The following MPZL1 variants were observed in gnomAD, a reference collection of about 807,000 sequenced individuals.
MPZL1 encodes the protein myelin protein zero-like protein 1.
In MPZL1, 16 loss-of-function variants were observed where a neutral mutation model predicts 29.3. The ratio of observed to expected loss-of-function variants is 0.55; its 90% CI spans 0.37 to 0.83. The LOEUF (loss-of-function observed/expected upper bound fraction) is 0.83, where lower values mean the gene tolerates loss of function less well. MPZL1 is among the 40% of genes least tolerant of loss of function. MPZL1 has a pLI of 0.00. For synonymous variants in MPZL1, 143 were observed against 132.0 expected (o/e 1.08, Z -0.57); for missense variants, 279 against 332.9 (o/e 0.84, Z 1.26).
At chr1:167,741,024 T>C (rs1660509449) in intron 1 of MPZL1, among the ~76,000 whole-genome samples, 1 of 152,092 alleles carries the variant, frequency 6.6e-6, no homozygotes. Flanking sequence ...GTCACTTCTT[T>C]GGTTTTTGTT....
intron 1 of MPZL1, among the ~76,000 whole-genome samples, chr1:167,751,527 C>T (rs867068085): frequency 2.0e-5 from 3 of 151,996 alleles, no homozygotes; most frequent in East Asian, 1.9e-4. Flanking sequence ...AAAAATTAGC[C>T]GGGCGTGGTG....
chr1:167,773,499 C>T (rs926789285), intron 4 of MPZL1, 131 bp downstream of exon 4: 3 of 1,132,584 alleles, frequency 2.6e-6, no homozygotes, highest in Non-Finnish European at 3.6e-6. Context: ...ATCAGGCAGT[C>T]TCCTTAGGAG....
intron 1 of MPZL1, among the ~76,000 whole-genome samples, chr1:167,742,966 G>T (rs1660566800): frequency 6.6e-6 from 1 of 151,948 alleles, no homozygotes; most frequent in East Asian, 1.9e-4. Flanking sequence ...TTATTTTTGG[G>T]TTCTCTATTT....
chr1:167,747,067 A>G (rs77982804), intron 1 of MPZL1, among the ~76,000 whole-genome samples: 1,535 of 152,336 alleles, frequency 0.01, 27 homozygotes, highest in African/African-American at 0.035. Context: ...AACCGGAATT[A>G]TACAATAGAG....
At chr1:167,740,726 C>T (rs1246387715) in intron 1 of MPZL1, among the ~76,000 whole-genome samples, 3 of 152,202 alleles carry the variant, frequency 2.0e-5, no homozygotes, top group Admixed American at 2.0e-4. Context: ...GAACATCAGA[C>T]CTGCATATCC....
intron 1 of MPZL1, among the ~76,000 whole-genome samples, chr1:167,726,269 G>A (rs1056615470): frequency 6.6e-6 from 1 of 152,144 alleles, no homozygotes; most frequent in African/African-American, 2.4e-5. Flanking sequence ...CACATCTTTA[G>A]AGAGGCCTCT....
intron 1 of MPZL1, among the ~76,000 whole-genome samples, chr1:167,728,366 T>G (rs1404716157): frequency 2.0e-5 from 3 of 146,528 alleles, no homozygotes; most frequent in Non-Finnish European, 4.5e-5. Context: ...TTCTTTCTTT[T>G]TTTTTTTTTT....
chr1:167,774,067 C>T (rs1049956730), intron 4 of MPZL1, among the ~76,000 whole-genome samples: 1 of 152,106 alleles, frequency 6.6e-6, no homozygotes, highest in African/African-American at 2.4e-5. Flanking sequence ...TAGATTCACC[C>T]AAAATGGGAT....
At chr1:167,759,334 C>A (rs1343072367) in intron 1 of MPZL1, among the ~76,000 whole-genome samples, 1 of 152,148 alleles carries the variant, frequency 6.6e-6, no homozygotes, top group Non-Finnish European at 1.5e-5. Context: ...GATGAGCTAT[C>A]TGAATTCAAC....
chr1:167,751,030 C>T (rs1439627014), intron 1 of MPZL1, among the ~76,000 whole-genome samples: 1 of 152,188 alleles, frequency 6.6e-6, no homozygotes, highest in East Asian at 1.9e-4. Context: ...CTTCTCAGTA[C>T]CTGATCTAAG....
chr1:167,770,441 GGACTGAGGAGA>G (rs1397680080), intron 2 of MPZL1, among the ~76,000 whole-genome samples: 1 of 152,250 alleles, frequency 6.6e-6, no homozygotes, highest in African/African-American at 2.4e-5. Flanking sequence ...GCTGAAAGCA[GGACTGAGGAGA>G]GACTGAGGAG....
chr1:167,772,148 AG>A, intron 2 of MPZL1, 126 bp from the exon 3 acceptor site: 1 of 744,056 alleles, frequency 1.3e-6, no homozygotes, highest in Non-Finnish European at 2.2e-6. Flanking sequence ...GGAGAGGGAG[AG>A]GGAGAGAGAT....
intron 5 of MPZL1, among the ~76,000 whole-genome samples, chr1:167,784,460 C>T (rs1248635367): frequency 6.6e-6 from 1 of 151,908 alleles, no homozygotes; most frequent in Non-Finnish European, 1.5e-5. Flanking sequence ...TTTATTATAC[C>T]CAAAAGTGAA....
chr1:167,777,001 A>G (rs190886007), intron 5 of MPZL1, among the ~76,000 whole-genome samples: 34 of 152,346 alleles, frequency 2.2e-4, no homozygotes, highest in Admixed American at 2.1e-3. Context: ...TTGTGATGTT[A>G]AATTACTAAA....
At chr1:167,786,945 T>G (rs562239755) in intron 5 of MPZL1, 1 of 152,332 alleles carries the variant, frequency 6.6e-6, no homozygotes, top group South Asian at 2.1e-4. Context: ...AGTCATGAAA[T>G]GCAGCCACCT....
intron 1 of MPZL1, among the ~76,000 whole-genome samples, chr1:167,736,592 T>A (rs1660383300): frequency 6.6e-6 from 1 of 152,316 alleles, no homozygotes; most frequent in East Asian, 1.9e-4. Flanking sequence ...AATTTGGTCT[T>A]CATCCTAGAA....
chr1:167,751,987 C>T (rs552781121), intron 1 of MPZL1, among the ~76,000 whole-genome samples: 4 of 152,298 alleles, frequency 2.6e-5, no homozygotes, highest in South Asian at 2.1e-4. Flanking sequence ...AAAAAGTCCA[C>T]TGTTACTATA....
chr1:167,760,276 C>T (rs1469202511), intron 1 of MPZL1, among the ~76,000 whole-genome samples: 1 of 152,114 alleles, frequency 6.6e-6, no homozygotes, highest in Non-Finnish European at 1.5e-5. Context: ...GATCTCAGCT[C>T]ACTGCAAGCT....
intron 1 of MPZL1, among the ~76,000 whole-genome samples, chr1:167,736,704 C>T (rs1660385505): frequency 6.6e-6 from 1 of 152,182 alleles, no homozygotes; most frequent in African/African-American, 2.4e-5. Flanking sequence ...TGTCCCAGGA[C>T]AAATGCCAGT....
Sources: gnomAD v4.1 joint callset for allele counts (sites outside exome capture counted in the v4.1 genomes callset) on GRCh38, gnomAD v4.1.1 for gene constraint, MANE v1.5 for transcripts, NCBI Gene and HGNC (gene_info 2026-07-23, HGNC 2026-07-21) for gene names.